SNX10: variants seen among roughly 807,000 people sequenced by gnomAD.
SNX10 encodes sorting nexin 10, also known as sorting nexin-10.
A neutral mutation model predicts 28.5 loss-of-function variants in SNX10; 25 were observed. The ratio of observed to expected loss-of-function variants is 0.88; its 90% CI spans 0.64 to 1.22. The LOEUF (loss-of-function observed/expected upper bound fraction) is 1.22, where lower values mean the gene tolerates loss of function less well. SNX10 is among the 50% of genes most tolerant of loss of function. The pLI is 0.00. For missense variants in SNX10, 223 were observed against 242.6 expected, an observed-to-expected ratio of 0.92 and a Z score of 0.54; for synonymous variants, 62 against 81.4, an observed-to-expected ratio of 0.76 and a Z score of 1.28.
rs1006013356 is a variant in SNX10, at chr7:26,364,739, T to C, written c.212+104T>C. The C allele has an allele frequency of 2.5e-6, 2 of 795,322 alleles. No homozygotes were observed. The highest frequency in any genetic ancestry group is 3.9e-6 in the Non-Finnish European group (2 of 509,046). The allele number at this position is 795,322 out of a possible 1,614,324, so 49.3% of individuals were successfully genotyped here. On this transcript the variant is annotated intron_variant, in intron 4 of 6. Transcript: ENST00000338523. This position sits in a 1 kb window ranked among gnomAD's most constrained non-coding sequence, Gnocchi z 4.9. ...GATATGAAGGATTTTTATAGGCTTT[T>C]GCCTTGATTACAATATGTAGCTTTA...
chr7:26,363,362 A>G (rs1014506598), intron 3 of SNX10, among the ~76,000 whole-genome samples: 5 of 152,246 alleles, frequency 3.3e-5, no homozygotes, highest in African/African-American at 1.2e-4. Flanking sequence ...GCTAATGCAC[A>G]TAATTACTTA....
chr7:26,369,045 A>C (rs919614973), intron 5 of SNX10, among the ~76,000 whole-genome samples: 2 of 152,202 alleles, frequency 1.3e-5, no homozygotes, highest in East Asian at 1.9e-4. Context: ...GGGAAAAAAA[A>C]CAGATTTTGC....
At chr7:26,301,102 A>ACTT (rs1393046444) in intron 1 of SNX10, among the ~76,000 whole-genome samples, 3 of 149,366 alleles carry the variant, frequency 2.0e-5, no homozygotes, top group African/African-American at 7.4e-5. Context: ...TAGTTATGTT[A>ACTT]CTTCATCATT....
At chr7:26,359,592 G>GT (rs1446983378) in intron 2 of SNX10, among the ~76,000 whole-genome samples, 1 of 152,050 alleles carries the variant, frequency 6.6e-6, no homozygotes, top group Non-Finnish European at 1.5e-5. Context: ...AAACATGATA[G>GT]TTTTTTGCTG....
intron 2 of SNX10, among the ~76,000 whole-genome samples, chr7:26,348,554 T>C (rs1353303249): frequency 6.6e-6 from 1 of 152,202 alleles, no homozygotes; most frequent in East Asian, 1.9e-4. Context: ...CTGGTCGTCC[T>C]CCCAAAGGAG....
chr7:26,372,051 G>A lies in SNX10; in HGVS notation c.524+18G>A. ...TCAGAAAGGTATTTCCTTGCATTTT[G>A]ATTTAATGTATATGTATTTATATAA... On this transcript the variant is annotated intron_variant, in intron 6 of 6. Coordinates refer to ENST00000338523, the MANE Select transcript of SNX10 (RefSeq NM_013322.3). 4 of 1,496,018 alleles carry A rather than the reference G, an allele frequency of 2.7e-6. No homozygotes were observed. The highest frequency in any genetic ancestry group is 9.3e-7 in the Non-Finnish European group (1 of 1,078,258). The allele number at this position is 1,496,018 out of a possible 1,614,324, so 92.7% of individuals were successfully genotyped here.
At chr7:26,337,857 G>C (rs55982212) in intron 1 of SNX10, among the ~76,000 whole-genome samples, 2 of 152,192 alleles carry the variant, frequency 1.3e-5, no homozygotes, top group Admixed American at 1.3e-4. Flanking sequence ...TCATGTGGTA[G>C]TTTTCTGTAA....
chr7:26,341,491 C>CT (rs1193987749), intron 1 of SNX10, among the ~76,000 whole-genome samples: 1 of 109,850 alleles, frequency 9.1e-6, no homozygotes, highest in Non-Finnish European at 1.8e-5. Context: ...CAAGAATTCT[C>CT]TATGTGCATT....
chr7:26,361,885 C>T (rs1376431910), intron 3 of SNX10, among the ~76,000 whole-genome samples: 1 of 152,214 alleles, frequency 6.6e-6, no homozygotes, highest in African/African-American at 2.4e-5. Flanking sequence ...ATACTCTTTG[C>T]ATCTAAACCA....
intron 2 of SNX10, among the ~76,000 whole-genome samples, chr7:26,352,092 G>A (rs1418943222): frequency 1.3e-5 from 2 of 150,598 alleles, no homozygotes; most frequent in Non-Finnish European, 2.9e-5. Flanking sequence ...GGACCACTCT[G>A]TACTATCTTC....
chr7:26,331,481 G>A (rs1203762541), intron 1 of SNX10, among the ~76,000 whole-genome samples: 1 of 151,762 alleles, frequency 6.6e-6, no homozygotes, highest in East Asian at 2.0e-4. Flanking sequence ...TGCAACTTGA[G>A]GGGCTGTGGT....
chr7:26,359,052 C>T (rs915731472), intron 2 of SNX10, among the ~76,000 whole-genome samples: 9 of 151,902 alleles, frequency 5.9e-5, no homozygotes, highest in Admixed American at 1.3e-4. Context: ...GTGATCCACC[C>T]GCCTCAGCCT....
intron 2 of SNX10, among the ~76,000 whole-genome samples, chr7:26,348,209 C>T (rs1788463625): frequency 6.6e-6 from 1 of 152,162 alleles, no homozygotes; most frequent in South Asian, 2.1e-4. Context: ...GGTGACCTTC[C>T]ACAATACCTA....
At chr7:26,301,171 C>G (rs952123343) in intron 1 of SNX10, among the ~76,000 whole-genome samples, 3 of 152,222 alleles carry the variant, frequency 2.0e-5, no homozygotes, top group Admixed American at 6.5e-5. Flanking sequence ...CCAAAAACCA[C>G]ACACAGAGTG....
intron 1 of SNX10, among the ~76,000 whole-genome samples, chr7:26,339,850 C>CTTT (rs34466986): frequency 7.1e-6 from 1 of 140,334 alleles, no homozygotes; most frequent in African/African-American, 2.6e-5. Context: ...CCTGGCCGAT[C>CTTT]TTTTTTTTTT....
chr7:26,365,044 A>G lies in SNX10; in HGVS notation c.213-3A>G, dbSNP rs1479542416. 3 of 1,587,608 alleles carry G rather than the reference A, an allele frequency of 1.9e-6. No individual in the cohort carries two copies. Among genetic ancestry groups the G allele is most frequent in the South Asian group, 1.1e-5 (1 of 90,560 alleles). On this transcript the variant is annotated splice_polypyrimidine_tract_variant and splice_region_variant and intron_variant, in intron 4 of 6. Transcript: ENST00000338523. ...AAAAACATTGTTTTTTCTTTCTCCT[A>G]AGACAACTGCCAGAACTTCCATCTA...
intron 1 of SNX10, among the ~76,000 whole-genome samples, chr7:26,338,986 C>T (rs190610184): frequency 2.0e-5 from 3 of 152,272 alleles, no homozygotes; most frequent in Non-Finnish European, 2.9e-5. Flanking sequence ...AAGGTTCAGA[C>T]CCTTGGAGCC....
At chr7:26,357,068 C>T in intron 2 of SNX10, 1 of 1,227,212 alleles carries the variant, frequency 8.1e-7, no homozygotes, top group South Asian at 1.4e-5. Context: ...GCATTCAAGT[C>T]TTACAAGACA....
intron 1 of SNX10, among the ~76,000 whole-genome samples, chr7:26,329,800 T>C (rs563425590): frequency 9.9e-5 from 15 of 152,264 alleles, no homozygotes; most frequent in African/African-American, 3.1e-4. Context: ...TCTTCAGTGG[T>C]GGGCGGCACA....
Sources: allele counts gnomAD v4.1 joint callset (sites outside exome capture counted in the v4.1 genomes callset), GRCh38; gene constraint gnomAD v4.1.1; non-coding constraint Gnocchi (gnomAD v3.1); transcripts MANE v1.5; gene names NCBI Gene and HGNC (gene_info 2026-07-23, HGNC 2026-07-21).